Variants in ZSCAN31 observed in about 807,000 individuals in gnomAD.
The protein encoded by ZSCAN31 is zinc finger and SCAN domain-containing protein 31.
In ZSCAN31, 14 loss-of-function variants were observed where a neutral mutation model predicts 22.5. That is an observed-to-expected ratio of 0.62 (90% CI 0.41 to 0.97). ZSCAN31 has a LOEUF of 0.97. Ranked by LOEUF, ZSCAN31 falls within the 50% of genes least tolerant of loss-of-function variation. The probability of loss-of-function intolerance (pLI) is 0.00; values close to 1 mark genes in which losing one functional copy is unlikely to be tolerated. For missense variants in ZSCAN31, 424 were observed against 483.4 expected, an observed-to-expected ratio of 0.88 and a Z score of 1.15; for synonymous variants, 168 against 169.8, an observed-to-expected ratio of 0.99 and a Z score of 0.08.
At position 28,351,809 on chromosome 6, in the gene ZSCAN31, A is replaced by G. The variant is rs1216120872; in HGVS notation, c.-371+2053T>C. Among the ~76,000 whole-genome samples the G allele has an allele frequency of 6.6e-6, 1 of 151,288 alleles. No individual in the cohort carries two copies. Among genetic ancestry groups the G allele is most frequent in the East Asian group, 1.9e-4 (1 of 5,144 alleles). ...TCTTTCATTTTATAGCAAATTGCAG[A>G]TGGAAACATTTTAGTTCACTCACAA... is the stretch of plus-strand genomic sequence containing the variant. On this transcript the variant is annotated intron_variant, in intron 2 of 7. Transcript: ENST00000396838. This position sits in a 1 kb window ranked among gnomAD's most constrained non-coding sequence, Gnocchi z 4.6.
chr6:28,326,476 A>C lies in ZSCAN31; in HGVS notation c.911T>G (p.Phe304Cys). 1 of 1,613,988 alleles carries C rather than the reference A, an allele frequency of 6.2e-7. No individual in the cohort carries two copies. The highest frequency in any genetic ancestry group is 1.3e-5 in the African/African-American group (1 of 74,968). Residue 304 changes from phenylalanine to cysteine, a missense_variant, in exon 4 of 4, where the codon TTC becomes TGC. Phe to Cys is a radical substitution (Grantham distance 205). Coordinates refer to ENST00000344279, the MANE Select transcript of ZSCAN31 (RefSeq NM_030899.5). ...PYQCKECGKA[F>C]SASNGLTRHR... is the part of the protein sequence containing the mutation. ...TCGAGTGAGGCCATTGCTGGCACTG[A>C]AGGCTTTCCCACACTCCTTACATTG... is the stretch of plus-strand genomic sequence containing the variant.
At position 28,326,822 on chromosome 6, in the gene ZSCAN31, C is replaced by A. The variant is rs753274084; in HGVS notation, c.565G>T (p.Ala189Ser). 6 of 1,612,034 alleles carry A rather than the reference C, an allele frequency of 3.7e-6. No individual in the cohort carries two copies. The highest frequency in any genetic ancestry group is 5.1e-6 in the Non-Finnish European group (6 of 1,179,760). The part of the protein sequence containing the change: ...GESIPENQEL[A>S]SKQEILKEME... ...TCTTTTAAGATTTCTTGCTTTGATG[C>A]CAACTCCTGGTTCTCAGGTATACTT... The change falls in exon 4 of 4, where the codon GCA (alanine) becomes TCA (serine). Residue 189 changes from alanine (A) to serine (S), a missense_variant. Physicochemically the swap from Ala to Ser is moderately conservative, Grantham distance 99. Transcript: ENST00000344279.
At position 28,326,531 on chromosome 6, in the gene ZSCAN31, G is replaced by T. The variant is rs144342985; in HGVS notation, c.856C>A (p.Arg286=). 1 of 1,614,050 alleles carries T rather than the reference G, an allele frequency of 6.2e-7. No individual in the cohort carries two copies. The highest frequency in any genetic ancestry group is 1.1e-5 in the South Asian group (1 of 91,088). Residue 286 remains arginine, a synonymous_variant, in exon 4 of 4, where the codon CGG becomes AGG. Coordinates refer to ENST00000344279, the MANE Select transcript of ZSCAN31 (RefSeq NM_030899.5). ...GGTTTCTCTCCAGTGTGGCTCCGCC[G>T]ATGTTCATTCAGGCTTGACCTCCGG... is the stretch of plus-strand genomic sequence containing the variant. ...FSRRSSLNEH[R]RSHTGEKPYQ...
At chr6:28,354,889 T>C (rs1017605508), upstream of ZSCAN31, among the ~76,000 whole-genome samples, 18 of 152,374 alleles carry the variant, frequency 1.2e-4, no homozygotes, top group African/African-American at 4.1e-4. Context: ...TAAGCCTTGA[T>C]AAACTGCCCA....
rs1763726133 is a variant in ZSCAN31, at chr6:28,331,404, T to C, written c.-95-1626A>G. On this transcript the variant is annotated intron_variant, in intron 1 of 3. Coordinates refer to ENST00000344279, the MANE Select transcript of ZSCAN31 (RefSeq NM_030899.5). This position sits in a 1 kb window ranked among gnomAD's most constrained non-coding sequence, Gnocchi z 4.8. ...ACTTTATTGGGTGAAAATGCATTTATTCAATTCATTCCAATATTATGTGTC... is the reference window on the plus strand; with the variant it reads ...ACTTTATTGGGTGAAAATGCATTTACTCAATTCATTCCAATATTATGTGTC... Among the ~76,000 whole-genome samples, 1 of 152,224 alleles carries C rather than the reference T, an allele frequency of 6.6e-6. No homozygotes were observed. Among genetic ancestry groups the C allele is most frequent in the Admixed American group, 6.5e-5 (1 of 15,280 alleles).
chr6:28,338,360 C>A (rs6456815), upstream of ZSCAN31, among the ~76,000 whole-genome samples: 61,735 of 152,014 alleles, frequency 0.41, 15,735 homozygotes, highest in African/African-American at 0.72. Context: ...TCCAGCGTGG[C>A]TGACAGAGTG....
At chr6:28,345,487 T>C (rs1764608256) in intron 2 of ZSCAN31, among the ~76,000 whole-genome samples, 1 of 152,182 alleles carries the variant, frequency 6.6e-6, no homozygotes, top group South Asian at 2.1e-4. Context: ...TGGCTACAAC[T>C]GAATGTCCAA....
upstream of ZSCAN31, chr6:28,356,118 G>A (rs1765402778): frequency 6.6e-6 from 1 of 152,202 alleles, no homozygotes; most frequent in Non-Finnish European, 1.5e-5. Flanking sequence ...GTGGCTTGCC[G>A]AGTCCACATA....
At chr6:28,342,891 C>A (rs1009440034) in intron 2 of ZSCAN31, among the ~76,000 whole-genome samples, 8 of 152,214 alleles carry the variant, frequency 5.3e-5, no homozygotes, top group Non-Finnish European at 1.2e-4. Flanking sequence ...TGGAACATTT[C>A]TCCAACTCTT....
chr6:28,350,108 G>GTGTC (rs1374834455), intron 2 of ZSCAN31: 3 of 152,492 alleles, frequency 2.0e-5, no homozygotes, highest in African/African-American at 7.2e-5. Flanking sequence ...GTGTGTGTGT[G>GTGTC]TGTTTGTGGA....
Position 28,327,248 on chromosome 6 carries a change from T to C in ZSCAN31, c.532+135A>G, listed in dbSNP as rs1001349275. The C allele has an allele frequency of 1.9e-5, 20 of 1,049,516 alleles. No homozygotes were observed. The African/African-American group carries it at 3.0e-4, about 16-fold the overall frequency. The allele number at this position is 1,049,516 out of a possible 1,614,324, so 65.0% of individuals were successfully genotyped here. A position where few individuals can be genotyped will look rare whatever the true frequency, so the allele number is the denominator to read the frequency against. On this transcript the variant is annotated intron_variant, in intron 3 of 3. Transcript: ENST00000344279. ...AGGCACAGGGAGGTTACCTGACTTG[T>C]CCATTGTCACAGAACTATTAAATGC...
At chr6:28,342,099 C>T (rs1453199926) in intron 2 of ZSCAN31, among the ~76,000 whole-genome samples, 2 of 152,146 alleles carry the variant, frequency 1.3e-5, no homozygotes, top group African/African-American at 4.8e-5. Flanking sequence ...ACATCCCTGA[C>T]ACCATATAAA....
chr6:28,332,681 G>C (rs1187390968), intron 1 of ZSCAN31, among the ~76,000 whole-genome samples: 1 of 152,130 alleles, frequency 6.6e-6, no homozygotes, highest in African/African-American at 2.4e-5. Flanking sequence ...ATAAAATATT[G>C]ACTTCATATG....
chr6:28,336,939 A>G (rs913661895), upstream of ZSCAN31: 2 of 152,222 alleles, frequency 1.3e-5, no homozygotes, highest in African/African-American at 4.8e-5. Context: ...CTGGAATCCC[A>G]AAGTCTAGAA....
rs926577501 is a variant in ZSCAN31, at chr6:28,326,121, A to G, written c.*45T>C. 2.6e-6 allele frequency: 4 copies of G among 1,522,478 alleles called. No individual in the cohort carries two copies. The highest frequency in any genetic ancestry group is 2.7e-6 in the Non-Finnish European group (3 of 1,124,612). The allele number at this position is 1,522,478 out of a possible 1,614,324, so 94.3% of individuals were successfully genotyped here. A position where few individuals can be genotyped will look rare whatever the true frequency, so the allele number is the denominator to read the frequency against. ...AACAGTATGGATTCTAAAATGCCTA[A>G]TAAGGTTGCAATGATGACTGAAGGC... On this transcript the variant is annotated 3_prime_UTR_variant, in exon 4 of 4. Transcript: ENST00000344279.
intron 2 of ZSCAN31, among the ~76,000 whole-genome samples, chr6:28,345,307 G>A (rs142633546): frequency 1.6e-3 from 237 of 152,190 alleles, no homozygotes; most frequent in African/African-American, 5.1e-3. Context: ...CCATGGAAAA[G>A]GCAATGAACA....
intron 3 of ZSCAN31, among the ~76,000 whole-genome samples, chr6:28,341,180 C>T (rs1288420742): frequency 6.6e-6 from 1 of 152,200 alleles, no homozygotes; most frequent in Non-Finnish European, 1.5e-5. Context: ...TGCAGTACCC[C>T]AGGTGAGCTC....
chr6:28,341,456 G>T (rs1764409609), intron 3 of ZSCAN31, among the ~76,000 whole-genome samples: 1 of 152,016 alleles, frequency 6.6e-6, no homozygotes, highest in African/African-American at 2.4e-5. Flanking sequence ...TTTCTTATAG[G>T]GCGCTAACCC....
At chr6:28,341,263 A>T (rs918082024) in intron 3 of ZSCAN31, among the ~76,000 whole-genome samples, 1 of 152,208 alleles carries the variant, frequency 6.6e-6, no homozygotes, top group Non-Finnish European at 1.5e-5. Flanking sequence ...GTAACAAAAT[A>T]CCTTAAACTG....
Sources: gnomAD v4.1 joint callset for allele counts (sites outside exome capture counted in the v4.1 genomes callset) on GRCh38, gnomAD v4.1.1 for gene constraint, Gnocchi (gnomAD v3.1) non-coding constraint, MANE v1.5 for transcripts, NCBI Gene and HGNC (gene_info 2026-07-23, HGNC 2026-07-21) for gene names.